SNX29: variants seen among roughly 807,000 people sequenced by gnomAD.
The protein encoded by SNX29 is sorting nexin 29, also known as sorting nexin-29.
A neutral mutation model predicts 102.1 loss-of-function variants in SNX29; 78 were observed. The ratio of observed to expected loss-of-function variants is 0.76; its 90% confidence interval spans 0.64 to 0.92. SNX29 has a LOEUF of 0.92. Among genes scored for constraint, SNX29 ranks in the 40% least tolerant of loss-of-function variants. SNX29 has a pLI of 0.00. For missense variants in SNX29, 1,280 were observed against 1,061.7 expected (o/e 1.21, Z -2.86); for synonymous variants, 580 against 414.5 (o/e 1.40, Z -4.85).
At chr16:12,349,744 T>C (rs912214591) in intron 15 of SNX29, among the ~76,000 whole-genome samples, 1 of 152,246 alleles carries the variant, frequency 6.6e-6, no homozygotes, top group African/African-American at 2.4e-5. Flanking sequence ...TTCAACTCTC[T>C]TGAATTTTAT....
rs146231747 is a variant in SNX29 at position 12,020,665 on chromosome 16, C to T, written c.123-6655C>T. Among the ~76,000 whole-genome samples the T allele has an allele frequency of 4.7e-3, 712 of 151,780 alleles. 8 individuals are homozygous for T. Among genetic ancestry groups the T allele is most frequent in the African/African-American group, 0.015 (641 of 41,364 alleles). Reference sequence around the variant, plus strand: ...TTGAGATGGAGTCTCGCTCTGTCCCCCAGGCTGGAGTGCAGTGGTGCCATC... The same window carrying T: ...TTGAGATGGAGTCTCGCTCTGTCCCTCAGGCTGGAGTGCAGTGGTGCCATC... On this transcript the variant is annotated intron_variant, in intron 3 of 20. Coordinates refer to ENST00000566228, the MANE Select transcript of SNX29 (RefSeq NM_032167.5).
chr16:12,454,059 A>G (rs1412066995), intron 18 of SNX29, among the ~76,000 whole-genome samples: 1 of 152,178 alleles, frequency 6.6e-6, no homozygotes, highest in Non-Finnish European at 1.5e-5. Flanking sequence ...ACATATGGCC[A>G]TGTAACTAAG....
At position 12,569,661 on chromosome 16, in the gene SNX29, G is replaced by T. The variant is rs1335906218; in HGVS notation, c.*1032G>T. 8.7e-6 allele frequency: 2 copies of T among 229,694 alleles called. No individual in the cohort carries two copies. Among genetic ancestry groups the T allele is most frequent in the Non-Finnish European group, 1.7e-5 (2 of 115,778 alleles). 14.2% of individuals were successfully genotyped at this position (229,694 alleles called of 1,614,324 possible). ...AGACAGAGTCCTCTGTTCCTCCCATGTCAGGTGGCTCTCAGAGTACAGGGA... is the reference window on the plus strand; with the variant it reads ...AGACAGAGTCCTCTGTTCCTCCCATTTCAGGTGGCTCTCAGAGTACAGGGA... On this transcript the variant is annotated 3_prime_UTR_variant, in exon 21 of 21. Coordinates refer to ENST00000566228, the MANE Select transcript of SNX29 (RefSeq NM_032167.5).
chr16:12,540,613 T>G (rs1218952679), intron 20 of SNX29, among the ~76,000 whole-genome samples: 3 of 152,138 alleles, frequency 2.0e-5, no homozygotes, highest in African/African-American at 7.2e-5. Context: ...TTCCATGGGG[T>G]GGACCTAAAG....
chr16:12,533,932 A>C (rs1408853865), intron 20 of SNX29, among the ~76,000 whole-genome samples: 1 of 152,230 alleles, frequency 6.6e-6, no homozygotes, highest in Non-Finnish European at 1.5e-5. Context: ...TCTGATGTTT[A>C]AGTTGGTTGG....
At chr16:12,243,318 C>T (rs2078167858) in intron 14 of SNX29, among the ~76,000 whole-genome samples, 1 of 152,246 alleles carries the variant, frequency 6.6e-6, no homozygotes, top group African/African-American at 2.4e-5. Context: ...GACAGGTTTC[C>T]TGTCTGGCCC....
rs781740905 is a variant in SNX29, at chr16:12,323,516, T to TA, written c.1783-32647_1783-32646insA. On this transcript the variant is annotated intron_variant, in intron 15 of 20. Coordinates refer to ENST00000566228, the MANE Select transcript of SNX29 (RefSeq NM_032167.5). Reference sequence around the variant, plus strand: ...AGCCACTGTAGTCTGCCTAGAGGTTTTAAAAAAAAAAAAAAATGGTGAACA... The same window carrying TA: ...AGCCACTGTAGTCTGCCTAGAGGTTTATAAAAAAAAAAAAAAATGGTGAACA... Among the ~76,000 whole-genome samples, 283 of 111,076 alleles carry TA rather than the reference T, an allele frequency of 2.5e-3. 1 individual carries two copies. Among genetic ancestry groups the TA allele is most frequent in the Admixed American group, 8.8e-3 (106 of 12,016 alleles). The allele number at this position is 111,076 out of a possible 152,430, so 72.9% of individuals were successfully genotyped here.
intron 19 of SNX29, among the ~76,000 whole-genome samples, chr16:12,509,330 G>A (rs534524909): frequency 6.6e-6 from 1 of 152,168 alleles, no homozygotes; most frequent in Admixed American, 6.5e-5. Context: ...CCCTCAGCTG[G>A]TCCAGGGCCC....
At chr16:12,541,491 C>T (rs1012073603) in intron 20 of SNX29, among the ~76,000 whole-genome samples, 4 of 152,150 alleles carry the variant, frequency 2.6e-5, no homozygotes, top group Middle Eastern at 3.2e-3. Context: ...AGACCCAGAC[C>T]TCTGTGATCT....
At chr16:12,534,300 G>A (rs770044197) in intron 20 of SNX29, among the ~76,000 whole-genome samples, 1 of 152,240 alleles carries the variant, frequency 6.6e-6, no homozygotes, top group East Asian at 1.9e-4. Context: ...TGTGGGAGAC[G>A]TGCTCCTAAT....
At chr16:12,393,841 T>C (rs1360695091) in intron 16 of SNX29, among the ~76,000 whole-genome samples, 1 of 152,262 alleles carries the variant, frequency 6.6e-6, no homozygotes. Flanking sequence ...CCTCTCCCTT[T>C]ACCTTTGTTG....
chr16:12,446,625 G>A (rs1597405981), intron 18 of SNX29, among the ~76,000 whole-genome samples: 1 of 152,186 alleles, frequency 6.6e-6, no homozygotes, highest in Non-Finnish European at 1.5e-5. Flanking sequence ...AGTTGGCCCT[G>A]TGGAGGGGAT....
intron 16 of SNX29, among the ~76,000 whole-genome samples, chr16:12,393,435 G>GCATGCATGCATGCATTCATTCAT (rs2083610474): frequency 7.4e-6 from 1 of 134,516 alleles, no homozygotes; most frequent in African/African-American, 3.0e-5. Flanking sequence ...CATTCATTCA[G>GCATGCATGCATGCATTCATTCAT]TGTGTTAGTT....
At chr16:12,039,250 G>A (rs566151029) in intron 4 of SNX29, among the ~76,000 whole-genome samples, 2 of 152,306 alleles carry the variant, frequency 1.3e-5, no homozygotes, top group South Asian at 2.1e-4. Flanking sequence ...CACTGTGCTC[G>A]GTGCTTTCCT....
At chr16:12,218,577 G>T (rs1302715007) in intron 14 of SNX29, among the ~76,000 whole-genome samples, 2 of 152,166 alleles carry the variant, frequency 1.3e-5, no homozygotes, top group East Asian at 3.9e-4. Context: ...AAGAAAATGT[G>T]TGCTGATCCC....
At chr16:12,430,741 G>T (rs184362373) in intron 18 of SNX29, among the ~76,000 whole-genome samples, 1 of 152,284 alleles carries the variant, frequency 6.6e-6, no homozygotes, top group African/African-American at 2.4e-5. Context: ...ATCCATGCTG[G>T]AAGCGGGCTG....
At chr16:12,552,274 A>G (rs975781752) in intron 20 of SNX29, among the ~76,000 whole-genome samples, 2 of 152,184 alleles carry the variant, frequency 1.3e-5, no homozygotes, top group African/African-American at 4.8e-5. Context: ...AGCCCTGGCC[A>G]GTTAACTTCT....
At chr16:12,470,016 AAAAAT>A (rs1303621667) in intron 18 of SNX29, among the ~76,000 whole-genome samples, 2 of 152,212 alleles carry the variant, frequency 1.3e-5, no homozygotes, top group Non-Finnish European at 2.9e-5. Flanking sequence ...TCCGTCTCAA[AAAAAT>A]AAAATAAATA....
At position 12,534,117 on chromosome 16, in the gene SNX29, C is replaced by T. The variant is rs1402671131; in HGVS notation, c.2318+9276C>T. ...CCCAGGGGATCGCGATGACAAGGTG[C>T]TAACCAGGACAGCTCCAACACCAGG... On this transcript the variant is annotated intron_variant, in intron 20 of 20. Transcript: ENST00000566228. Among the ~76,000 whole-genome samples, 4 of 152,230 alleles carry T rather than the reference C, an allele frequency of 2.6e-5. No homozygotes were observed. In the East Asian group the frequency reaches 7.7e-4, roughly 29 times the overall value.
Sources: gnomAD v4.1 joint callset for allele counts (sites outside exome capture counted in the v4.1 genomes callset) on GRCh38, gnomAD v4.1.1 for gene constraint, MANE v1.5 for transcripts, NCBI Gene and HGNC (gene_info 2026-07-23, HGNC 2026-07-21) for gene names.